Variants in KCNMB2 observed in about 807,000 individuals in gnomAD.
KCNMB2 encodes calcium-activated potassium channel subunit beta-2.
Under a neutral mutation model 24.5 loss-of-function variants are expected in KCNMB2, and 9 were observed. The ratio of observed to expected loss-of-function variants is 0.37; its 90% CI spans 0.22 to 0.64. KCNMB2 has a LOEUF of 0.64. Ranked by LOEUF, KCNMB2 falls within the 30% of genes least tolerant of loss-of-function variation. KCNMB2 has a pLI of 0.63. For synonymous variants in KCNMB2, 109 were observed against 104.4 expected (o/e 1.04, Z -0.27); for missense variants, 226 against 284.3 (o/e 0.79, Z 1.47).
At chr3:178,646,463 T>C (rs1365134501) in intron 1 of KCNMB2, among the ~76,000 whole-genome samples, 2 of 152,186 alleles carry the variant, frequency 1.3e-5, no homozygotes, top group Non-Finnish European at 2.9e-5. Flanking sequence ...AGACTGAACC[T>C]CTCAGGGACA....
chr3:178,733,275 A>G (rs1723210087), intron 1 of KCNMB2, among the ~76,000 whole-genome samples: 1 of 152,088 alleles, frequency 6.6e-6, no homozygotes, highest in Non-Finnish European at 1.5e-5. Context: ...CATCACTGAT[A>G]TACTCCAAGC....
chr3:178,744,611 G>T (rs1259480654), intron 1 of KCNMB2, among the ~76,000 whole-genome samples: 1 of 152,072 alleles, frequency 6.6e-6, no homozygotes, highest in Non-Finnish European at 1.5e-5. Context: ...TAGAGCAAGG[G>T]TTGACACCCA....
chr3:178,753,812 A>T lies in KCNMB2; in HGVS notation c.-67-53531A>T, dbSNP rs750381872. ...TTTGTGGTGAAAACACTTAAAATCT[A>T]CTTTCATAGCAGTTTTCAAGAATAC... On this transcript the variant is annotated intron_variant, in intron 1 of 4. Coordinates refer to ENST00000452583, the MANE Select transcript of KCNMB2 (RefSeq NM_181361.3). 2.4e-3 allele frequency among the ~76,000 whole-genome samples: 367 copies of T among 152,142 alleles called. 2 individuals carry two copies. The highest frequency in any genetic ancestry group is 2.0e-3 in the Non-Finnish European group (135 of 68,020).
At chr3:178,687,582 G>C (rs969430219) in intron 1 of KCNMB2, among the ~76,000 whole-genome samples, 1 of 152,160 alleles carries the variant, frequency 6.6e-6, no homozygotes, top group African/African-American at 2.4e-5. Context: ...CAGCACGGTA[G>C]GGCAGAGACA....
chr3:178,795,145 C>T (rs1455991454), intron 1 of KCNMB2: 1 of 151,422 alleles, frequency 6.6e-6, no homozygotes, highest in African/African-American at 2.4e-5. Flanking sequence ...TTTTAAGGGC[C>T]CTTCCAGAGA....
intron 1 of KCNMB2, among the ~76,000 whole-genome samples, chr3:178,734,372 CTT>C (rs1723250813): frequency 1.3e-5 from 2 of 152,286 alleles, no homozygotes; most frequent in African/African-American, 4.8e-5. Context: ...TCAATTGTAT[CTT>C]GTTTATTTTT....
chr3:178,763,595 T>C lies in KCNMB2; in HGVS notation c.-67-43748T>C, dbSNP rs1012515415. 2.4e-4 allele frequency among the ~76,000 whole-genome samples: 36 copies of C among 152,094 alleles called. 1 individual carries two copies. The highest frequency in any genetic ancestry group is 8.7e-4 in the African/African-American group (36 of 41,428). On this transcript the variant is annotated intron_variant, in intron 1 of 4. Transcript: ENST00000452583. ...TGAATGCTGTTGACCAGGAGTAGGA[T>C]GTTTAAAATCAAGATTTCTGAGATG...
intron 1 of KCNMB2, among the ~76,000 whole-genome samples, chr3:178,608,028 T>C (rs1718342289): frequency 6.6e-6 from 1 of 152,088 alleles, no homozygotes; most frequent in South Asian, 2.1e-4. Flanking sequence ...TTTTGAATCA[T>C]CCTAAACAAG....
intron 1 of KCNMB2, among the ~76,000 whole-genome samples, chr3:178,705,703 C>T (rs1033121636): frequency 6.6e-6 from 1 of 152,050 alleles, no homozygotes. Context: ...TCTTTGCCAA[C>T]AAAACCTTTA....
At chr3:178,806,683 C>CATAATAATAATA (rs61194423) in intron 1 of KCNMB2, among the ~76,000 whole-genome samples, 4 of 147,786 alleles carry the variant, frequency 2.7e-5, no homozygotes, top group East Asian at 2.0e-4. Context: ...AAAGCCAAGT[C>CATAATAATAATA]ATAATAATAA....
intron 1 of KCNMB2, among the ~76,000 whole-genome samples, chr3:178,603,972 G>A (rs1021274365): frequency 3.3e-5 from 5 of 152,112 alleles, no homozygotes; most frequent in South Asian, 2.1e-4. Flanking sequence ...AGGAGACACA[G>A]AACCACCCCA....
chr3:178,719,098 G>C (rs1419852225), intron 1 of KCNMB2, among the ~76,000 whole-genome samples: 3 of 152,176 alleles, frequency 2.0e-5, no homozygotes, highest in Non-Finnish European at 4.4e-5. Flanking sequence ...TCTTGATTAA[G>C]GCTGCTTATA....
At chr3:178,657,783 T>A (rs994341970) in intron 1 of KCNMB2, among the ~76,000 whole-genome samples, 1 of 152,208 alleles carries the variant, frequency 6.6e-6, no homozygotes, top group Admixed American at 6.5e-5. Flanking sequence ...TGTCATAACA[T>A]GGCAGATGGC....
intron 1 of KCNMB2, among the ~76,000 whole-genome samples, chr3:178,780,797 G>C (rs1340861344): frequency 6.6e-6 from 1 of 152,100 alleles, no homozygotes; most frequent in Non-Finnish European, 1.5e-5. Context: ...ATCTGATAGG[G>C]TTATCAATGT....
intron 1 of KCNMB2, chr3:178,748,190 A>C (rs186182757): frequency 4.5e-4 from 68 of 152,376 alleles, no homozygotes; most frequent in African/African-American, 1.6e-3. Context: ...AAGTGACTAT[A>C]GCCAAAATTA....
chr3:178,684,830 T>A (rs781398101), intron 1 of KCNMB2, among the ~76,000 whole-genome samples: 11 of 152,170 alleles, frequency 7.2e-5, no homozygotes, highest in Non-Finnish European at 1.5e-4. Flanking sequence ...AAACTCCGTC[T>A]CAAAAAATAA....
At chr3:178,547,732 T>C (rs1385168413) in intron 1 of KCNMB2, among the ~76,000 whole-genome samples, 2 of 152,190 alleles carry the variant, frequency 1.3e-5, no homozygotes, top group Admixed American at 6.5e-5. Context: ...TTTCAGTAAT[T>C]GGAAATATCA....
chr3:178,545,624 G>C (rs1316317022), intron 1 of KCNMB2, among the ~76,000 whole-genome samples: 1 of 152,182 alleles, frequency 6.6e-6, no homozygotes, highest in Non-Finnish European at 1.5e-5. Flanking sequence ...GATAATTCTT[G>C]AATGTCTTGA....
chr3:178,779,409 A>C (rs1354000243), intron 1 of KCNMB2, among the ~76,000 whole-genome samples: 1 of 152,204 alleles, frequency 6.6e-6, no homozygotes, highest in Non-Finnish European at 1.5e-5. Flanking sequence ...GTAAACTAGA[A>C]GAATTGTACT....
Sources: allele counts gnomAD v4.1 joint callset (sites outside exome capture counted in the v4.1 genomes callset), GRCh38; gene constraint gnomAD v4.1.1; transcripts MANE v1.5; gene names NCBI Gene and HGNC (gene_info 2026-07-23, HGNC 2026-07-21).